Variants in FCN3 observed in about 807,000 individuals in gnomAD.
The protein encoded by FCN3 is ficolin-3.
FCN3 carries 28 observed loss-of-function variants against 31.5 expected under a neutral mutation model. The ratio of observed to expected loss-of-function variants is 0.89; its 90% confidence interval spans 0.66 to 1.22. The LOEUF (loss-of-function observed/expected upper bound fraction) is 1.22, where lower values mean the gene tolerates loss of function less well. FCN3 is among the 50% of genes most tolerant of loss of function. The pLI, the probability that FCN3 is intolerant of heterozygous loss-of-function variation, is 0.00. For missense variants in FCN3, 351 were observed against 386.8 expected, an observed-to-expected ratio of 0.91 and a Z score of 0.78; for synonymous variants, 124 against 147.4, an observed-to-expected ratio of 0.84 and a Z score of 1.15.
rs2016187922 is a variant in FCN3 at position 27,373,402 on chromosome 1, G to C, written c.265+86C>G. 4 of 1,597,054 alleles carry C rather than the reference G, an allele frequency of 2.5e-6. No individual in the cohort carries two copies. In the South Asian group the frequency reaches 4.4e-5, roughly 18 times the overall value. On this transcript the variant is annotated intron_variant, in intron 4 of 7. Transcript: ENST00000270879. The stretch of plus-strand genomic sequence containing the variant: ...GAAGAAGGGTTCTGAGGAGGCTGTG[G>C]GGAGGATCTTGGCCACACTTGGGGG...
chr1:27,371,699 C>T (rs77741467), intron 5 of FCN3, among the ~76,000 whole-genome samples: 1 of 152,200 alleles, frequency 6.6e-6, no homozygotes, highest in Non-Finnish European at 1.5e-5. Context: ...CAAGTAGGCC[C>T]CAGGTCCTAT....
chr1:27,374,282 A>G, intron 2 of FCN3, 74 bp downstream of exon 2: 1 of 1,116,578 alleles, frequency 9.0e-7, no homozygotes, highest in Non-Finnish European at 1.4e-6. Context: ...GTGGCCCCTC[A>G]GCACAGACAA....
chr1:27,373,857 C>T, intron 3 of FCN3, 108 bp downstream of exon 3: 1 of 969,478 alleles, frequency 1.0e-6, no homozygotes, highest in Non-Finnish European at 1.6e-6. Context: ...GCCATCCATT[C>T]CCCTGTGAGA....
At position 27,369,173 on chromosome 1, in the gene FCN3, G is replaced by GCGAGGTGGTTGGCAAAGT; in HGVS notation, c.*62_*63insACTTTGCCAACCACCTCG. 1.3e-6 allele frequency: 2 copies of GCGAGGTGGTTGGCAAAGT among 1,590,904 alleles called. No individual in the cohort carries two copies. Among genetic ancestry groups the GCGAGGTGGTTGGCAAAGT allele is most frequent in the African/African-American group, 1.3e-5 (1 of 74,578 alleles). Reference sequence around the variant, plus strand: ...AGGCAAGCAGAGGTGGTTGGCAAAGGCAAGGTGGCTGACGATCCGGAAGCT... The same window carrying GCGAGGTGGTTGGCAAAGT: ...AGGCAAGCAGAGGTGGTTGGCAAAGGCGAGGTGGTTGGCAAAGTCAAGGTGGCTGACGATCCGGAAGCT... On this transcript the variant is annotated 3_prime_UTR_variant, in exon 8 of 8. Coordinates refer to ENST00000270879, the MANE Select transcript of FCN3 (RefSeq NM_003665.4).
chr1:27,372,247 C>CTT (rs559771616), intron 5 of FCN3, among the ~76,000 whole-genome samples: 8 of 136,394 alleles, frequency 5.9e-5, no homozygotes, highest in South Asian at 4.6e-4. Flanking sequence ...GCACACTCTT[C>CTT]TTTTTTTTTT....
chr1:27,373,514 G>A lies in FCN3; in HGVS notation c.239C>T (p.Pro80Leu), dbSNP rs777639664. The A allele has an allele frequency of 2.5e-6, 4 of 1,614,042 alleles. No homozygotes were observed. The South Asian group carries it at 3.3e-5, about 13-fold the overall frequency. The part of the protein sequence containing the change: ...KMGPKGEPGD[P>L]VNLLRCQEGP... ...TTCCTGGCACCGGAGCAGGTTCACT[G>A]GATCTCCTGCCCCAGAGAAGGGATG... The change falls in exon 4 of 8, where the codon CCA becomes CTA. Residue 80 changes from proline to leucine, a missense_variant. Pro to Leu is a moderately conservative substitution (Grantham distance 98, BLOSUM62 -3). Coordinates refer to ENST00000270879, the MANE Select transcript of FCN3 (RefSeq NM_003665.4).
chr1:27,369,163 G>A lies in FCN3; in HGVS notation c.*73C>T, dbSNP rs748330615. The A allele has an allele frequency of 6.4e-7, 1 of 1,574,174 alleles. No homozygotes were observed. ...AAATGTGGACAGGCAAGCAGAGGTG[G>A]TTGGCAAAGGCAAGGTGGCTGACGA... On this transcript the variant is annotated 3_prime_UTR_variant, in exon 8 of 8. Transcript: ENST00000270879.
At chr1:27,370,375 A>C in intron 7 of FCN3, 1 of 566,894 alleles carries the variant, frequency 1.8e-6, no homozygotes, top group Non-Finnish European at 3.1e-6. Context: ...CCAAGGTCAC[A>C]TAAGTACTAA....
intron 1 of FCN3, 36 bp from the exon 2 acceptor site, chr1:27,374,487 G>A (rs779399381): frequency 7.2e-7 from 1 of 1,393,488 alleles, no homozygotes; most frequent in Non-Finnish European, 1.0e-6. Flanking sequence ...GCACAGGGTA[G>A]ACTGTCTCTT....
chr1:27,373,902 C>A, intron 3 of FCN3, 63 bp downstream of exon 3: 2 of 1,404,576 alleles, frequency 1.4e-6, no homozygotes, highest in Admixed American at 1.8e-5. Flanking sequence ...AGCAGAGATC[C>A]CACCCTAGAG....
At chr1:27,372,773 ATTTTT>A (rs71010351) in intron 5 of FCN3, among the ~76,000 whole-genome samples, 3 of 96,442 alleles carry the variant, frequency 3.1e-5, no homozygotes, top group African/African-American at 4.0e-5. Flanking sequence ...TCCCTACCCT[ATTTTT>A]TTTTTTTTTT....
At chr1:27,371,110 T>G in intron 5 of FCN3, 138 bp from the exon 6 acceptor site, 1 of 810,474 alleles carries the variant, frequency 1.2e-6, no homozygotes, top group Non-Finnish European at 2.0e-6. Context: ...TCCTTCAAGT[T>G]AGCTTTGAAT....
chr1:27,369,269 G>T lies in FCN3; in HGVS notation c.867C>A (p.His289Gln), dbSNP rs751750968. The change falls in exon 8 of 8, where the codon CAC becomes CAA. Residue 289 changes from histidine to glutamine, a missense_variant. Coordinates refer to ENST00000270879, the MANE Select transcript of FCN3 (RefSeq NM_003665.4). ...IDWASGRGVGHPYRRVRMMLR is the reference protein window; with the variant it reads ...IDWASGRGVGQPYRRVRMMLR ...GCATCATCCGAACCCTGCGGTAGGG[G>T]TGGCCCACACCACGGCCTGAGGCCC... 1 of 1,614,214 alleles carries T rather than the reference G, an allele frequency of 6.2e-7. No homozygotes were observed. The highest frequency in any genetic ancestry group is 1.7e-5 in the Admixed American group (1 of 60,024).
chr1:27,374,639 T>C, intron 1 of FCN3, 89 bp downstream of exon 1: 1 of 847,096 alleles, frequency 1.2e-6, no homozygotes, highest in Non-Finnish European at 1.8e-6. Flanking sequence ...ACTCCCACCC[T>C]GCTCCTTGAG....
rs1432493826 is a variant in FCN3, at chr1:27,370,877, C to T, written c.489G>A (p.Leu163=). 6.2e-7 allele frequency: 1 copy of T among 1,614,112 alleles called. No individual in the cohort carries two copies. The highest frequency in any genetic ancestry group is 8.5e-7 in the Non-Finnish European group (1 of 1,180,034). The change falls in exon 6 of 8, where the codon CTG becomes CTA. Residue 163 remains leucine (L), a synonymous_variant. Transcript: ENST00000270879. ...GFGNQESEFW[L]GNENLHQLTL... is the part of the protein sequence containing the mutation. ...TAAGCTGGTGCAAATTCTCATTTCC[C>T]AGCCAGAATTCAGACTCTTGGTTCC...
Position 27,373,218 on chromosome 1 carries a change from C to T in FCN3, c.311G>A (p.Ser104Asn), listed in dbSNP as rs2016183911. The T allele has an allele frequency of 1.2e-6, 2 of 1,614,096 alleles. No homozygotes were observed. The highest frequency in any genetic ancestry group is 1.7e-6 in the Non-Finnish European group (2 of 1,180,006). ...RELLSQGATL[S>N]GWYHLCLPEG... is the part of the protein sequence containing the mutation. ...AGGTAGGCACAGATGGTACCAGCCG[C>T]TCAAGGTGGCGCCCTGGCTCAACAG... The change falls in exon 5 of 8, where the codon AGC (serine) becomes AAC (asparagine). Residue 104 changes from serine to asparagine, a missense_variant. Ser to Asn is a conservative substitution (Grantham distance 46). Transcript: ENST00000270879.
At chr1:27,371,954 T>C (rs1229482833) in intron 5 of FCN3, among the ~76,000 whole-genome samples, 1 of 152,034 alleles carries the variant, frequency 6.6e-6, no homozygotes, top group Non-Finnish European at 1.5e-5. Context: ...AGAGATGGGG[T>C]TTTGCCATGT....
Position 27,370,826 on chromosome 1 carries a change from C to T in FCN3, c.523+17G>A. On this transcript the variant is annotated intron_variant, in intron 6 of 7. Transcript: ENST00000270879. The stretch of plus-strand genomic sequence containing the variant: ...AGACAGTAACCCCCAGACTCCAGGA[C>T]CCTGCTGGGAACTCACCCTGGAGAG... The T allele has an allele frequency of 1.2e-6, 2 of 1,613,502 alleles. No homozygotes were observed. Among genetic ancestry groups the T allele is most frequent in the Non-Finnish European group, 1.7e-6 (2 of 1,179,600 alleles).
intron 7 of FCN3, among the ~76,000 whole-genome samples, chr1:27,370,265 T>C (rs2148069913): frequency 6.6e-6 from 1 of 152,058 alleles, no homozygotes; most frequent in Non-Finnish European, 1.5e-5. Context: ...CGCCTCGGCC[T>C]CCCAGAGTGC....
Sources: allele counts gnomAD v4.1 joint callset (sites outside exome capture counted in the v4.1 genomes callset), GRCh38; gene constraint gnomAD v4.1.1; transcripts MANE v1.5; gene names NCBI Gene and HGNC (gene_info 2026-07-23, HGNC 2026-07-21).